The following SYN2 variants were observed in gnomAD, a reference collection of about 807,000 sequenced individuals.
The protein encoded by SYN2 is synapsin-2.
Under a neutral mutation model 50.9 loss-of-function variants are expected in SYN2, and 19 were observed. The ratio of observed to expected loss-of-function variants is 0.37; its 90% CI spans 0.26 to 0.55. The LOEUF is 0.55. SYN2 is among the 20% of genes least tolerant of loss of function. SYN2 has a pLI of 0.81. For synonymous variants in SYN2, 255 were observed against 224.9 expected (o/e 1.13, Z -1.20); for missense variants, 587 against 576.4 (o/e 1.02, Z -0.19).
In SYN2 at chr3:12,040,763, G is replaced by T. The variant is rs548776214; in HGVS notation, c.377+35835G>T. ...GATTCAAAAAAGAGGATAAAAGAAAGATGGAAGGATAGTGGAAGAGGACTA... is the reference window on the plus strand; with the variant it reads ...GATTCAAAAAAGAGGATAAAAGAAATATGGAAGGATAGTGGAAGAGGACTA... On this transcript the variant is annotated intron_variant, in intron 1 of 12. Coordinates refer to ENST00000621198, the MANE Select transcript of SYN2 (RefSeq NM_133625.6). Among the ~76,000 whole-genome samples, 6 of 152,280 alleles carry T rather than the reference G, an allele frequency of 3.9e-5. 1 individual carries two copies. Among genetic ancestry groups the T allele is most frequent in the African/African-American group, 1.4e-4 (6 of 41,554 alleles).
intron 1 of SYN2, among the ~76,000 whole-genome samples, chr3:12,043,048 CA>C (rs1408534401): frequency 6.7e-6 from 1 of 149,694 alleles, no homozygotes; most frequent in Non-Finnish European, 1.5e-5. Context: ...TGTGAGACAG[CA>C]TCTTGCTCTG....
intron 1 of SYN2, among the ~76,000 whole-genome samples, chr3:12,052,986 T>G (rs1218303451): frequency 6.6e-6 from 1 of 152,204 alleles, no homozygotes; most frequent in Non-Finnish European, 1.5e-5. Context: ...CCATACATGT[T>G]GTTTCATTTT....
intron 1 of SYN2, among the ~76,000 whole-genome samples, chr3:12,048,063 T>C (rs1694779533): frequency 6.6e-6 from 1 of 152,168 alleles, no homozygotes; most frequent in African/African-American, 2.4e-5. Context: ...GTTTCTAGGG[T>C]TTTGAGCATT....
At chr3:12,176,618 C>G (rs557955047) in intron 10 of SYN2, among the ~76,000 whole-genome samples, 1 of 152,188 alleles carries the variant, frequency 6.6e-6, no homozygotes, top group Admixed American at 6.5e-5. Context: ...TGAAATGTTT[C>G]CAGTCTGAGG....
At chr3:12,124,924 T>C (rs307567) in intron 1 of SYN2, among the ~76,000 whole-genome samples, 1 of 152,098 alleles carries the variant, frequency 6.6e-6, no homozygotes, top group Non-Finnish European at 1.5e-5. Context: ...TTAAGATCAA[T>C]TAGCAAATAA....
chr3:12,055,060 A>G (rs1694957705), intron 1 of SYN2, among the ~76,000 whole-genome samples: 1 of 152,144 alleles, frequency 6.6e-6, no homozygotes, highest in African/African-American at 2.4e-5. Flanking sequence ...CCTTTTGGAC[A>G]TATAGATTTT....
chr3:12,125,884 A>G (rs1696657929), intron 1 of SYN2, among the ~76,000 whole-genome samples: 1 of 151,644 alleles, frequency 6.6e-6, no homozygotes, highest in Non-Finnish European at 1.5e-5. Context: ...AAAAACTGAG[A>G]AATTTCTCTG....
chr3:12,183,520 C>G, intron 11 of SYN2, 148 bp downstream of exon 11: 1 of 1,567,210 alleles, frequency 6.4e-7, no homozygotes, highest in Non-Finnish European at 8.6e-7. Context: ...GGAAAACAGA[C>G]CCTCCCACTG....
At chr3:12,109,616 A>C (rs1696272161) in intron 1 of SYN2, among the ~76,000 whole-genome samples, 1 of 152,130 alleles carries the variant, frequency 6.6e-6, no homozygotes, top group African/African-American at 2.4e-5. Context: ...TTCCTTCCCC[A>C]ACACACCTTC....
Position 12,053,049 on chromosome 3 carries a change from A to T in SYN2, c.377+48121A>T, listed in dbSNP as rs928977853. 2.6e-5 allele frequency among the ~76,000 whole-genome samples: 4 copies of T among 152,304 alleles called. 1 individual carries two copies. Among genetic ancestry groups the T allele is most frequent in the Admixed American group, 2.6e-4 (4 of 15,306 alleles). The stretch of plus-strand genomic sequence containing the variant: ...GCATGGTAGATATTATTCCCATTTG[A>T]TAAATGAAGAAACTGAAACAAAGGT... On this transcript the variant is annotated intron_variant, in intron 1 of 12. Coordinates refer to ENST00000621198, the MANE Select transcript of SYN2 (RefSeq NM_133625.6).
intron 1 of SYN2, among the ~76,000 whole-genome samples, chr3:12,106,865 GT>G (rs756182293): frequency 6.6e-6 from 1 of 151,706 alleles, no homozygotes; most frequent in Non-Finnish European, 1.5e-5. Flanking sequence ...GTCTTCTAGT[GT>G]TTTTTTTAAC....
chr3:12,112,560 T>C (rs943275979), intron 1 of SYN2, among the ~76,000 whole-genome samples: 5 of 152,154 alleles, frequency 3.3e-5, no homozygotes, highest in African/African-American at 1.2e-4. Context: ...TCACATTATG[T>C]AGTATTTGGC....
intron 7 of SYN2, among the ~76,000 whole-genome samples, chr3:12,166,527 A>G (rs2125240820): frequency 6.6e-6 from 1 of 152,290 alleles, no homozygotes; most frequent in East Asian, 1.9e-4. Flanking sequence ...ACACCAACAC[A>G]TATTCATGGA....
At chr3:12,078,788 C>G (rs547362041) in intron 1 of SYN2, among the ~76,000 whole-genome samples, 1 of 152,256 alleles carries the variant, frequency 6.6e-6, no homozygotes, top group East Asian at 1.9e-4. Flanking sequence ...GCTATACAAG[C>G]TCTTGTTTGG....
intron 8 of SYN2, 53 bp from the exon 9 acceptor site, chr3:12,168,323 C>A: frequency 6.7e-7 from 1 of 1,494,704 alleles, no homozygotes; most frequent in Non-Finnish European, 9.2e-7. Flanking sequence ...GGCAAGCAAG[C>A]TTTGTGGTGA....
Position 12,187,507 on chromosome 3 carries a change from G to C in SYN2, c.1508G>C (p.Gly503Ala). The C allele has an allele frequency of 6.4e-7, 1 of 1,553,198 alleles. No individual in the cohort carries two copies. The highest frequency in any genetic ancestry group is 8.7e-7 in the Non-Finnish European group (1 of 1,147,668). ...SSSSAPQRPG[G>A]PTTHGDAPSS... ...TCCTCGGCTCCTCAGCGGCCGGGCG[G>C]CCCCACCACCCACGGAGATGCACCC... is the stretch of plus-strand genomic sequence containing the variant. The change falls in exon 12 of 13, where the codon GGC becomes GCC. Residue 503 changes from glycine (G) to alanine (A), a missense_variant. By Grantham distance (60) the Gly-to-Ala change is moderately conservative. Transcript: ENST00000621198.
chr3:12,054,451 A>G lies in SYN2; in HGVS notation c.377+49523A>G, dbSNP rs569655638. ...AAGGTTTAACTACATGAGTCCATCTAGAATCACTCTGGTGGCCCCTGAAGG... is the reference window on the plus strand; with the variant it reads ...AAGGTTTAACTACATGAGTCCATCTGGAATCACTCTGGTGGCCCCTGAAGG... On this transcript the variant is annotated intron_variant, in intron 1 of 12. Coordinates refer to ENST00000621198, the MANE Select transcript of SYN2 (RefSeq NM_133625.6). 3.9e-5 allele frequency among the ~76,000 whole-genome samples: 6 copies of G among 152,314 alleles called. No homozygotes were observed. In the East Asian group the frequency reaches 5.8e-4, roughly 15 times the overall value.
intron 5 of SYN2, among the ~76,000 whole-genome samples, chr3:12,160,962 C>T (rs943027173): frequency 6.6e-6 from 1 of 152,170 alleles, no homozygotes; most frequent in African/African-American, 2.4e-5. Flanking sequence ...CTCTTTCAAA[C>T]CCCAAGCTGG....
chr3:12,083,947 G>A (rs1162374251), intron 1 of SYN2, among the ~76,000 whole-genome samples: 1 of 152,140 alleles, frequency 6.6e-6, no homozygotes, highest in Non-Finnish European at 1.5e-5. Flanking sequence ...TGTGTTTCAT[G>A]GGTTGGGATA....
Sources: allele counts gnomAD v4.1 joint callset (sites outside exome capture counted in the v4.1 genomes callset), GRCh38; gene constraint gnomAD v4.1.1; transcripts MANE v1.5; gene names NCBI Gene and HGNC (gene_info 2026-07-23, HGNC 2026-07-21).